SEC24A: variants seen among roughly 807,000 people sequenced by gnomAD.
SEC24A encodes the protein protein transport protein Sec24A.
In SEC24A, 93 loss-of-function variants were observed where a neutral mutation model predicts 129.4. The observed-to-expected ratio is 0.72, with a 90% CI of 0.61 to 0.85. The LOEUF (loss-of-function observed/expected upper bound fraction) is 0.85, where lower values mean the gene tolerates loss of function less well. SEC24A is among the 40% of genes least tolerant of loss of function. The pLI, the probability that SEC24A is intolerant of heterozygous loss-of-function variation, is 0.00. For synonymous variants in SEC24A, 460 were observed against 467.3 expected, an observed-to-expected ratio of 0.98 and a Z score of 0.20; for missense variants, 1,264 against 1,307.4, an observed-to-expected ratio of 0.97 and a Z score of 0.51.
intron 3 of SEC24A, among the ~76,000 whole-genome samples, chr5:134,670,854 T>C (rs570759574): frequency 2.6e-5 from 4 of 151,958 alleles, no homozygotes; most frequent in South Asian, 4.2e-4. Context: ...CCAGGCGTGG[T>C]GACGGGCACA....
chr5:134,711,158 A>G (rs1322396354), intron 18 of SEC24A, among the ~76,000 whole-genome samples: 1 of 151,976 alleles, frequency 6.6e-6, no homozygotes, highest in African/African-American at 2.4e-5. Context: ...TTAAATAAAA[A>G]ATAAATAAAT....
At position 134,661,268 on chromosome 5, in the gene SEC24A, G is replaced by A; in HGVS notation, c.247G>A (p.Gly83Arg). ...TAACTATGGTGGTTCTCAGGGATCT[G>A]GGCAGACTCTTAATAGACCACCTGT... is the stretch of plus-strand genomic sequence containing the variant. ...QSNYGGSQGS[G>R]QTLNRPPVAS... Residue 83 changes from glycine to arginine, a missense_variant, in exon 2 of 23, where the codon GGG becomes AGG. Physicochemically the swap from Gly to Arg is moderately radical, Grantham distance 125. Coordinates refer to ENST00000398844, the MANE Select transcript of SEC24A (RefSeq NM_021982.3). The A allele has an allele frequency of 1.2e-6, 2 of 1,614,096 alleles. No individual in the cohort carries two copies. Among genetic ancestry groups the A allele is most frequent in the Non-Finnish European group, 1.7e-6 (2 of 1,180,022 alleles).
chr5:134,693,902 G>T lies in SEC24A; in HGVS notation c.1955G>T (p.Arg652Leu). 6.2e-7 allele frequency: 1 copy of T among 1,614,066 alleles called. No homozygotes were observed. Among genetic ancestry groups the T allele is most frequent in the South Asian group, 1.1e-5 (1 of 91,084 alleles). ...PTLGVGALKPREEPNHRSSAK... is the reference protein window; with the variant it reads ...PTLGVGALKPLEEPNHRSSAK... ...CTTGGAGTGGGAGCCCTGAAACCAC[G>T]AGAGGAACCAAACCACAGGTCATCT... is the stretch of plus-strand genomic sequence containing the variant. Residue 652 changes from arginine (R) to leucine (L), a missense_variant, in exon 13 of 23, where the codon CGA becomes CTA. Coordinates refer to ENST00000398844, the MANE Select transcript of SEC24A (RefSeq NM_021982.3).
intron 8 of SEC24A, among the ~76,000 whole-genome samples, chr5:134,681,760 A>G (rs975392547): frequency 2.0e-5 from 3 of 152,156 alleles, no homozygotes; most frequent in African/African-American, 4.8e-5. Flanking sequence ...CTCTTTGACC[A>G]CTAGTGTATT....
At chr5:134,683,573 G>A (rs1249471857) in intron 9 of SEC24A, among the ~76,000 whole-genome samples, 1 of 151,926 alleles carries the variant, frequency 6.6e-6, no homozygotes, top group Non-Finnish European at 1.5e-5. Flanking sequence ...AAGTGCAGTG[G>A]CACTATCATA....
intron 7 of SEC24A, among the ~76,000 whole-genome samples, chr5:134,678,485 G>A (rs1181554899): frequency 3.3e-5 from 5 of 150,896 alleles, no homozygotes. Context: ...GGTAGAGATG[G>A]GCTGTTGCTG....
At chr5:134,665,894 A>G (rs1056500805) in intron 2 of SEC24A, among the ~76,000 whole-genome samples, 4 of 152,222 alleles carry the variant, frequency 2.6e-5, no homozygotes, top group African/African-American at 9.6e-5. Context: ...TTAACAAAAT[A>G]TTACAAAATT....
At chr5:134,655,544 G>GAGGCCTCAGCCTCCTGAGTGATTCTCAGC (rs1561799441) in intron 1 of SEC24A, among the ~76,000 whole-genome samples, 2 of 151,042 alleles carry the variant, frequency 1.3e-5, no homozygotes, top group Non-Finnish European at 3.0e-5. Flanking sequence ...AGCTACTCAG[G>GAGGCCTCAGCCTCCTGAGTGATTCTCAGC]AGGCCTCAGC....
At chr5:134,653,895 C>T (rs1440798570) in intron 1 of SEC24A, among the ~76,000 whole-genome samples, 1 of 151,974 alleles carries the variant, frequency 6.6e-6, no homozygotes, top group Non-Finnish European at 1.5e-5. Flanking sequence ...CAGTGGCTCA[C>T]ACCTGTAATC....
chr5:134,648,649 C>G, upstream of SEC24A: 1 of 154,238 alleles, frequency 6.5e-6, no homozygotes, highest in African/African-American at 2.4e-5. Context: ...GGTCGGGGCA[C>G]CAGGAGCTGT....
intron 3 of SEC24A, among the ~76,000 whole-genome samples, chr5:134,671,103 G>A (rs1336385054): frequency 6.6e-6 from 1 of 152,090 alleles, no homozygotes; most frequent in Non-Finnish European, 1.5e-5. Flanking sequence ...GGAGTGCAGT[G>A]GCACGATTTT....
intron 12 of SEC24A, 29 bp from the exon 13 acceptor site, chr5:134,693,698 A>C: frequency 6.2e-7 from 1 of 1,607,058 alleles, no homozygotes; most frequent in Non-Finnish European, 8.5e-7. Context: ...TAATTATGAC[A>C]CTTGAGTTTT....
chr5:134,654,960 C>G (rs906723991), intron 1 of SEC24A, among the ~76,000 whole-genome samples: 1 of 151,906 alleles, frequency 6.6e-6, no homozygotes, highest in African/African-American at 2.4e-5. Flanking sequence ...CGTGATCCTC[C>G]CACCTTGGCC....
At position 134,661,369 on chromosome 5, in the gene SEC24A, A is replaced by C. The variant is rs369319994; in HGVS notation, c.348A>C (p.Pro116=). 28 of 1,614,068 alleles carry C rather than the reference A, an allele frequency of 1.7e-5. No homozygotes were observed. Among genetic ancestry groups the C allele is most frequent in the Non-Finnish European group, 2.5e-6 (3 of 1,180,042 alleles). The change falls in exon 2 of 23, where the codon CCA becomes CCC. Residue 116 remains proline (P), a synonymous_variant. Transcript: ENST00000398844. The stretch of plus-strand genomic sequence containing the variant: ...TGCCATTACCTGCTTCTCAGAACCC[A>C]GCTACTACACCAATGCCTTCTAGTA... The part of the protein sequence containing the change: ...PRMPLPASQN[P]ATTPMPSSSF...
intron 7 of SEC24A, among the ~76,000 whole-genome samples, chr5:134,677,691 G>A (rs938475258): frequency 6.6e-6 from 1 of 151,820 alleles, no homozygotes; most frequent in South Asian, 2.1e-4. Context: ...AGAAAATTTA[G>A]CCAAGCATGG....
chr5:134,667,663 A>C (rs1316162495), intron 3 of SEC24A, among the ~76,000 whole-genome samples: 3 of 151,110 alleles, frequency 2.0e-5, no homozygotes, highest in Non-Finnish European at 3.0e-5. Flanking sequence ...CAAAAAAAAA[A>C]AAAAACAAAA....
intron 4 of SEC24A, among the ~76,000 whole-genome samples, chr5:134,673,334 A>C (rs150201476): frequency 6.6e-6 from 1 of 152,092 alleles, no homozygotes; most frequent in African/African-American, 2.4e-5. Flanking sequence ...GATTACAGGT[A>C]TGAGCCACCT....
chr5:134,650,559 G>T (rs1750012967), intron 1 of SEC24A, among the ~76,000 whole-genome samples: 1 of 150,172 alleles, frequency 6.7e-6, no homozygotes. Context: ...TTTTGAGATG[G>T]AGTCTTGTTC....
intron 13 of SEC24A, among the ~76,000 whole-genome samples, chr5:134,696,666 T>G (rs1187051779): frequency 6.6e-6 from 1 of 151,966 alleles, no homozygotes; most frequent in Non-Finnish European, 1.5e-5. Flanking sequence ...GCCTGGCTAA[T>G]TTTTTGTATT....
Sources: allele counts gnomAD v4.1 joint callset (sites outside exome capture counted in the v4.1 genomes callset), GRCh38; gene constraint gnomAD v4.1.1; transcripts MANE v1.5; gene names NCBI Gene and HGNC (gene_info 2026-07-23, HGNC 2026-07-21).